FAM184A: variants seen among roughly 807,000 people sequenced by gnomAD.
FAM184A encodes the protein protein FAM184A.
In FAM184A, 99 loss-of-function variants were observed where a neutral mutation model predicts 143.8. The observed-to-expected ratio is 0.69, with a 90% CI of 0.58 to 0.81. The LOEUF is 0.81. Among genes scored for constraint, FAM184A ranks in the 40% least tolerant of loss-of-function variants. The pLI is 0.00. For missense variants in FAM184A, 1,217 were observed against 1,310.5 expected (o/e 0.93, Z 1.10); for synonymous variants, 427 against 446.4 (o/e 0.96, Z 0.55).
At chr6:118,995,735 T>G (rs1372919671) in intron 9 of FAM184A, among the ~76,000 whole-genome samples, 1 of 152,254 alleles carries the variant, frequency 6.6e-6, no homozygotes, top group Non-Finnish European at 1.5e-5. Flanking sequence ...CTAACATAAC[T>G]TCATAATCAT....
intron 1 of FAM184A, among the ~76,000 whole-genome samples, chr6:119,044,466 C>T (rs557504797): frequency 6.6e-6 from 1 of 152,044 alleles, no homozygotes; most frequent in African/African-American, 2.4e-5. Context: ...ACTTAGAGTC[C>T]TAGTTACTCG....
At chr6:119,034,580 T>TAAA (rs34909667) in intron 1 of FAM184A, among the ~76,000 whole-genome samples, 29 of 148,270 alleles carry the variant, frequency 2.0e-4, no homozygotes, top group African/African-American at 3.2e-4. Flanking sequence ...TTTTTTTTTT[T>TAAA]AAAAAAACCT....
chr6:119,008,731 T>A (rs1341542835), intron 6 of FAM184A, among the ~76,000 whole-genome samples: 1 of 152,218 alleles, frequency 6.6e-6, no homozygotes, highest in Non-Finnish European at 1.5e-5. Flanking sequence ...CTCTATTTGT[T>A]CTTCTCTAAT....
chr6:119,089,143 C>A (rs1788302620), intron 1 of FAM184A, among the ~76,000 whole-genome samples: 1 of 150,000 alleles, frequency 6.7e-6, no homozygotes, highest in African/African-American at 2.5e-5. Context: ...CTCGGCCTCC[C>A]AAATAGCTAA....
At chr6:119,113,614 A>G (rs1208192433) in intron 1 of FAM184A, among the ~76,000 whole-genome samples, 1 of 148,696 alleles carries the variant, frequency 6.7e-6, no homozygotes, top group Admixed American at 6.7e-5. Context: ...GTACAATAAG[A>G]TATTGAGAGA....
chr6:119,007,653 T>C (rs1315043833), intron 6 of FAM184A, among the ~76,000 whole-genome samples: 1 of 152,162 alleles, frequency 6.6e-6, no homozygotes, highest in African/African-American at 2.4e-5. Flanking sequence ...AAGAATAGTA[T>C]TCTAGGGCTG....
chr6:119,016,517 T>C (rs1485682112), intron 5 of FAM184A, among the ~76,000 whole-genome samples: 3 of 151,818 alleles, frequency 2.0e-5, no homozygotes, highest in African/African-American at 7.3e-5. Context: ...GCAGCTTCAC[T>C]CCTGAGCCAG....
At chr6:119,061,485 A>G (rs117839551) in intron 1 of FAM184A, among the ~76,000 whole-genome samples, 5,309 of 141,528 alleles carry the variant, frequency 0.038, 133 homozygotes, top group Non-Finnish European at 0.056. Flanking sequence ...CCTCCTAAGT[A>G]TCTGGGACTA....
chr6:119,082,134 A>G (rs1161711259), upstream of FAM184A, among the ~76,000 whole-genome samples: 1 of 152,174 alleles, frequency 6.6e-6, no homozygotes, highest in African/African-American at 2.4e-5. Context: ...GCCCTAGCCA[A>G]GGACCACACC....
chr6:119,036,263 T>C (rs1390452642), intron 1 of FAM184A, among the ~76,000 whole-genome samples: 1 of 151,996 alleles, frequency 6.6e-6, no homozygotes, highest in African/African-American at 2.4e-5. Flanking sequence ...AAAGCCATTC[T>C]TCGTACATTA....
chr6:118,972,317 C>A (rs147095792), intron 14 of FAM184A, among the ~76,000 whole-genome samples: 167 of 152,300 alleles, frequency 1.1e-3, no homozygotes, highest in Non-Finnish European at 2.1e-3. Flanking sequence ...CATTCAAGAG[C>A]CATTTTTAGC....
At chr6:119,008,227 A>G (rs1394196132) in intron 6 of FAM184A, among the ~76,000 whole-genome samples, 3 of 152,152 alleles carry the variant, frequency 2.0e-5, no homozygotes, top group African/African-American at 7.2e-5. Context: ...CTATCGGTCC[A>G]TGTGGTCTTA....
chr6:119,031,793 T>C (rs1785881161), intron 1 of FAM184A, among the ~76,000 whole-genome samples: 2 of 152,200 alleles, frequency 1.3e-5, no homozygotes, highest in African/African-American at 4.8e-5. Context: ...AGGGAATCAC[T>C]GAATAAATGA....
At position 119,020,122 on chromosome 6, in the gene FAM184A, C is replaced by T. The variant is rs181029575; in HGVS notation, c.1188G>A (p.Gln396=). The T allele has an allele frequency of 7.9e-5, 127 of 1,602,658 alleles. 1 individual carries two copies. The African/African-American group carries it at 1.6e-3, about 21-fold the overall frequency. ...IGMLQATQMT[Q]EVTIKDLESE... ...ATTCTAAATCTTTAATTGTAACTTC[C>T]TGGGTCATTTGAGTTGCTTGAAGCA... The change falls in exon 4 of 18, where the codon CAG becomes CAA. Residue 396 remains glutamine, a synonymous_variant. Transcript: ENST00000338891.
chr6:119,059,765 A>G (rs1190356388), intron 1 of FAM184A, among the ~76,000 whole-genome samples: 1 of 152,250 alleles, frequency 6.6e-6, no homozygotes, highest in African/African-American at 2.4e-5. Flanking sequence ...TAAACAAAGT[A>G]TCATACCAGT....
chr6:119,037,154 T>C (rs1786144570), intron 1 of FAM184A, among the ~76,000 whole-genome samples: 1 of 152,332 alleles, frequency 6.6e-6, no homozygotes, highest in South Asian at 2.1e-4. Flanking sequence ...AGAATCTCTG[T>C]ATATTTTTCT....
chr6:119,144,815 G>A (rs532169755), intron 1 of FAM184A, among the ~76,000 whole-genome samples: 2 of 152,272 alleles, frequency 1.3e-5, no homozygotes, highest in African/African-American at 4.8e-5. Context: ...CTAGGGGGTG[G>A]TAGATGGGTG....
chr6:119,058,651 G>C (rs1205255501), intron 1 of FAM184A, among the ~76,000 whole-genome samples: 1 of 152,176 alleles, frequency 6.6e-6, no homozygotes, highest in Non-Finnish European at 1.5e-5. Context: ...TTAGTCTCCA[G>C]GTGCTGCCAT....
intron 1 of FAM184A, among the ~76,000 whole-genome samples, chr6:119,029,912 T>C (rs1228422396): frequency 6.6e-6 from 1 of 152,160 alleles, no homozygotes; most frequent in Non-Finnish European, 1.5e-5. Flanking sequence ...TGAGTAGTTG[T>C]GGAAAACACC....
Sources: allele counts gnomAD v4.1 joint callset (sites outside exome capture counted in the v4.1 genomes callset), GRCh38; gene constraint gnomAD v4.1.1; transcripts MANE v1.5; gene names NCBI Gene and HGNC (gene_info 2026-07-23, HGNC 2026-07-21).